Variants in GABRA2 observed in about 807,000 individuals in gnomAD.
The protein encoded by GABRA2 is gamma-aminobutyric acid type A receptor subunit alpha2.
GABRA2 carries 16 observed loss-of-function variants against 48.7 expected under a neutral mutation model. That is an observed-to-expected ratio of 0.33 (90% CI 0.22 to 0.50). GABRA2 has a LOEUF of 0.50. GABRA2 is among the 20% of genes least tolerant of loss of function. GABRA2 has a pLI of 0.98. For missense variants in GABRA2, 275 were observed against 535.6 expected (o/e 0.51, Z 4.80); for synonymous variants, 185 against 184.5 (o/e 1.00, Z -0.02).
At position 46,295,634 on chromosome 4, in the gene GABRA2, C is replaced by T. The variant is rs764335790; in HGVS notation, c.856+7826G>A. Among the ~76,000 whole-genome samples, 5 of 152,290 alleles carry T rather than the reference C, an allele frequency of 3.3e-5. 1 individual carries two copies. In the South Asian group the frequency reaches 6.2e-4, roughly 19 times the overall value. On this transcript the variant is annotated intron_variant, in intron 8 of 9. Transcript: ENST00000381620. ...GCTCAGCAACATGGACTTCCACTCA[C>T]CAAGGCTGACCTGGCTACAGCCACT...
chr4:46,339,277 A>C (rs542168311), intron 3 of GABRA2, among the ~76,000 whole-genome samples: 1 of 151,930 alleles, frequency 6.6e-6, no homozygotes, highest in African/African-American at 2.4e-5. Context: ...GTCATATTTT[A>C]TCCATATGTG....
At chr4:46,266,972 C>T (rs150575801) in intron 8 of GABRA2, among the ~76,000 whole-genome samples, 1,661 of 152,116 alleles carry the variant, frequency 0.011, 19 homozygotes, top group Middle Eastern at 0.02. Context: ...GATCCACCAT[C>T]CTCGGCCTCC....
At chr4:46,385,209 C>G (rs562466857) in intron 3 of GABRA2, among the ~76,000 whole-genome samples, 60 of 151,486 alleles carry the variant, frequency 4.0e-4, no homozygotes, top group African/African-American at 1.4e-3. Context: ...TGCAAAGTCA[C>G]CAAACCCGGC....
intron 3 of GABRA2, chr4:46,366,634 T>A (rs1714083072): frequency 6.6e-6 from 1 of 152,110 alleles, no homozygotes; most frequent in South Asian, 2.1e-4. Context: ...GTCATCAATT[T>A]ATCTATCTCA....
At chr4:46,343,493 C>A (rs1733639787) in intron 3 of GABRA2, among the ~76,000 whole-genome samples, 1 of 151,576 alleles carries the variant, frequency 6.6e-6, no homozygotes. Context: ...TAGGCCTAAC[C>A]AGCATAGGGG....
At chr4:46,360,036 T>C (rs181675199) in intron 3 of GABRA2, among the ~76,000 whole-genome samples, 106 of 152,292 alleles carry the variant, frequency 7.0e-4, no homozygotes, top group African/African-American at 2.4e-3. Context: ...CCTGTGCTAC[T>C]AGCTAGGGAG....
At chr4:46,332,796 G>T in intron 3 of GABRA2, 114 bp from the exon 4 acceptor site, 1 of 582,836 alleles carries the variant, frequency 1.7e-6, no homozygotes. Flanking sequence ...CGGGAGTACT[G>T]GGTTTTACTT....
chr4:46,263,513 G>A (rs1717474069), intron 8 of GABRA2, among the ~76,000 whole-genome samples: 1 of 151,978 alleles, frequency 6.6e-6, no homozygotes, highest in South Asian at 2.1e-4. Flanking sequence ...AATTATCTTG[G>A]ACACTTCGTT....
rs888356067 is a variant in GABRA2, at chr4:46,275,813, T to C, written c.857-13685A>G. On this transcript the variant is annotated intron_variant, in intron 8 of 9. Coordinates refer to ENST00000381620, the MANE Select transcript of GABRA2 (RefSeq NM_000807.4). ...GTTATTTGTGATAAATAGTACATCA[T>C]TAGAGAATTTTTATCACAAAAATTC... Among the ~76,000 whole-genome samples, 3 of 152,264 alleles carry C rather than the reference T, an allele frequency of 2.0e-5. No individual in the cohort carries two copies. In the East Asian group the frequency reaches 5.8e-4, roughly 29 times the overall value.
chr4:46,348,853 C>T (rs1288247588), intron 3 of GABRA2, among the ~76,000 whole-genome samples: 2 of 151,314 alleles, frequency 1.3e-5, no homozygotes, highest in South Asian at 2.1e-4. Flanking sequence ...TGCGGCACAC[C>T]AACATGGCAC....
chr4:46,349,914 A>G (rs1734833088), intron 3 of GABRA2, among the ~76,000 whole-genome samples: 1 of 151,948 alleles, frequency 6.6e-6, no homozygotes, highest in South Asian at 2.1e-4. Flanking sequence ...CATGTAATTA[A>G]GAACTTTTAG....
At chr4:46,379,247 A>C (rs1038169395) in intron 3 of GABRA2, among the ~76,000 whole-genome samples, 1 of 152,208 alleles carries the variant, frequency 6.6e-6, no homozygotes. Context: ...GAAGTCCATC[A>C]GCATGCTATT....
chr4:46,290,007 G>A (rs1483347240), intron 8 of GABRA2, among the ~76,000 whole-genome samples: 5 of 150,786 alleles, frequency 3.3e-5, no homozygotes, highest in Non-Finnish European at 7.4e-5. Context: ...CGCCTCCCGG[G>A]TTCACGCCAT....
At chr4:46,282,701 A>G (rs1312558185) in intron 8 of GABRA2, among the ~76,000 whole-genome samples, 1 of 152,196 alleles carries the variant, frequency 6.6e-6, no homozygotes, top group Non-Finnish European at 1.5e-5. Flanking sequence ...TGTTATTCAC[A>G]CTAAAGATCA....
intron 8 of GABRA2, among the ~76,000 whole-genome samples, chr4:46,280,850 T>A (rs1721395078): frequency 1.3e-5 from 2 of 152,128 alleles, no homozygotes; most frequent in South Asian, 4.1e-4. Flanking sequence ...TAAGAAGAGA[T>A]GCCAGACAGC....
intron 8 of GABRA2, among the ~76,000 whole-genome samples, chr4:46,285,829 G>T (rs1722453799): frequency 6.6e-6 from 1 of 151,614 alleles, no homozygotes; most frequent in Admixed American, 6.6e-5. Context: ...CTATGGTTTT[G>T]GTTTTGGTGC....
rs202021777 is a variant in GABRA2 at position 46,388,940 on chromosome 4, T to C, written c.-10-224A>G. The stretch of plus-strand genomic sequence containing the variant: ...TCTGTTTCTTTCTTTCTTTTTTTCT[T>C]TCTTTCTTTCTTTAACAGCAAGATG... On this transcript the variant is annotated intron_variant, in intron 1 of 9. Transcript: ENST00000381620. 44 of 1,319,876 alleles carry C rather than the reference T, an allele frequency of 3.3e-5. No individual in the cohort carries two copies. In the African/African-American group the frequency reaches 5.6e-4, roughly 17 times the overall value. The allele number at this position is 1,319,876 out of a possible 1,614,324, so 81.8% of individuals were successfully genotyped here.
At chr4:46,377,677 T>A (rs1273785749) in intron 3 of GABRA2, among the ~76,000 whole-genome samples, 1 of 138,704 alleles carries the variant, frequency 7.2e-6, no homozygotes, top group Non-Finnish European at 1.6e-5. Flanking sequence ...CCGCCCCTAC[T>A]GGGAAGTGAG....
intron 6 of GABRA2, among the ~76,000 whole-genome samples, chr4:46,306,898 TG>T (rs1331315502): frequency 2.6e-5 from 4 of 152,072 alleles, no homozygotes; most frequent in Non-Finnish European, 5.9e-5. Flanking sequence ...ATAGAGTAAA[TG>T]ATTATGAGTT....
Sources: allele counts gnomAD v4.1 joint callset (sites outside exome capture counted in the v4.1 genomes callset), GRCh38; gene constraint gnomAD v4.1.1; transcripts MANE v1.5; gene names NCBI Gene and HGNC (gene_info 2026-07-23, HGNC 2026-07-21).